The following ARPC2 variants were observed in gnomAD, a reference collection of about 807,000 sequenced individuals.
The protein encoded by ARPC2 is actin related protein 2/3 complex subunit 2, also known as actin-related protein 2/3 complex subunit 2.
ARPC2 carries 4 observed loss-of-function variants against 38.6 expected under a neutral mutation model. That is an observed-to-expected ratio of 0.10 (90% CI 0.05 to 0.24). The LOEUF (loss-of-function observed/expected upper bound fraction) is 0.24. Among genes scored for constraint, ARPC2 ranks in the 10% least tolerant of loss-of-function variants. ARPC2 has a pLI of 1.00. For synonymous variants in ARPC2, 125 were observed against 140.8 expected, an observed-to-expected ratio of 0.89 and a Z score of 0.79; for missense variants, 229 against 387.3, an observed-to-expected ratio of 0.59 and a Z score of 3.43.
intron 2 of ARPC2, among the ~76,000 whole-genome samples, chr2:218,217,776 C>A (rs1195947111): frequency 1.3e-5 from 2 of 152,182 alleles, no homozygotes; most frequent in Non-Finnish European, 2.9e-5. Context: ...GTGGTGAGGG[C>A]TGTGCGTGCC....
At chr2:218,247,922 G>A (rs1043886347) in intron 8 of ARPC2, among the ~76,000 whole-genome samples, 3 of 148,826 alleles carry the variant, frequency 2.0e-5, no homozygotes, top group Non-Finnish European at 4.4e-5. Flanking sequence ...CAGCCTGGGC[G>A]ACAGAACAAG....
intron 2 of ARPC2, 96 bp downstream of exon 2, chr2:218,217,640 A>T: frequency 7.7e-7 from 1 of 1,302,648 alleles, no homozygotes; most frequent in Non-Finnish European, 1.1e-6. Context: ...GGAGGAGAGA[A>T]ATGGGGTGCC....
At chr2:218,231,113 C>G (rs940120821) in intron 4 of ARPC2, among the ~76,000 whole-genome samples, 4 of 152,222 alleles carry the variant, frequency 2.6e-5, no homozygotes, top group African/African-American at 9.6e-5. Context: ...CCCATGATAA[C>G]CACAGGAAGG....
At chr2:218,226,949 T>G (rs1352721701) in intron 3 of ARPC2, 1 of 455,632 alleles carries the variant, frequency 2.2e-6, no homozygotes, top group Admixed American at 2.4e-5. Context: ...TGTTGCTGCT[T>G]TCTGTTCCCT....
chr2:218,252,752 G>A (rs1690223184), intron 10 of ARPC2, among the ~76,000 whole-genome samples: 1 of 152,220 alleles, frequency 6.6e-6, no homozygotes, highest in Non-Finnish European at 1.5e-5. Context: ...TTAGGCAGCT[G>A]CTGCCCGATT....
At chr2:218,223,895 G>A (rs1027001663) in intron 2 of ARPC2, among the ~76,000 whole-genome samples, 3 of 152,064 alleles carry the variant, frequency 2.0e-5, no homozygotes, top group Admixed American at 6.6e-5. Context: ...AATAACAAAC[G>A]CCAGGTCTTG....
At chr2:218,243,239 A>G (rs1689957935) in intron 7 of ARPC2, among the ~76,000 whole-genome samples, 1 of 152,208 alleles carries the variant, frequency 6.6e-6, no homozygotes, top group South Asian at 2.1e-4. Context: ...CTTTTATCAT[A>G]TGCTAAATGC....
intron 2 of ARPC2, among the ~76,000 whole-genome samples, chr2:218,221,431 T>C (rs932425218): frequency 2.6e-5 from 4 of 152,312 alleles, no homozygotes; most frequent in African/African-American, 7.2e-5. Context: ...TTAGAAGAAA[T>C]GGAATGTTGT....
chr2:218,246,205 A>G (rs1349239853), intron 8 of ARPC2, among the ~76,000 whole-genome samples: 1 of 150,776 alleles, frequency 6.6e-6, no homozygotes, highest in African/African-American at 2.4e-5. Flanking sequence ...CAACAGAACA[A>G]GACTCTTGTC....
At chr2:218,229,803 T>G (rs1689588086) in intron 4 of ARPC2, among the ~76,000 whole-genome samples, 2 of 152,180 alleles carry the variant, frequency 1.3e-5, no homozygotes, top group Admixed American at 1.3e-4. Context: ...AGAAGAAATA[T>G]TTAGAGGATT....
At chr2:218,222,235 C>A (rs2106143112) in intron 2 of ARPC2, among the ~76,000 whole-genome samples, 1 of 152,116 alleles carries the variant, frequency 6.6e-6, no homozygotes, top group Non-Finnish European at 1.5e-5. Context: ...CCACTGCACT[C>A]CAGCCTGGGT....
chr2:218,241,399 A>G (rs191269299), intron 7 of ARPC2, among the ~76,000 whole-genome samples: 1 of 152,348 alleles, frequency 6.6e-6, no homozygotes, highest in African/African-American at 2.4e-5. Context: ...ATGAAGGAAT[A>G]TATAAATATA....
Position 218,217,260 on chromosome 2 carries a change from T to TTTGG in ARPC2, c.-9+7_-9+8insTGGT. ...GTTCAGGCTTCGGGGGCCAGGTCGG[T>TTTGG]TGGGTGGGTGGGTGTCTCCACAGTC... On this transcript the variant is annotated splice_region_variant and intron_variant, in intron 1 of 10. Transcript: ENST00000315717. 1 of 473,744 alleles carries TTTGG rather than the reference T, an allele frequency of 2.1e-6. No homozygotes were observed. The highest frequency in any genetic ancestry group is 2.7e-5 in the South Asian group (1 of 36,902). 29.3% of individuals were successfully genotyped at this position (473,744 alleles called of 1,614,324 possible).
chr2:218,238,313 G>A (rs1689821621), intron 5 of ARPC2, among the ~76,000 whole-genome samples: 1 of 152,104 alleles, frequency 6.6e-6, no homozygotes, highest in Non-Finnish European at 1.5e-5. Flanking sequence ...TCCAATCAGA[G>A]TTCCCAGGTT....
At chr2:218,219,827 C>T (rs2106141633) in intron 2 of ARPC2, among the ~76,000 whole-genome samples, 1 of 127,740 alleles carries the variant, frequency 7.8e-6, no homozygotes, top group Admixed American at 8.0e-5. Context: ...AAATTTGAAA[C>T]TTTGAAAATC....
At chr2:218,234,734 C>T in intron 5 of ARPC2, 1 of 461,200 alleles carries the variant, frequency 2.2e-6, no homozygotes, top group Non-Finnish European at 4.2e-6. Context: ...ACATTGATTC[C>T]CACCCTCGGC....
chr2:218,225,992 C>T, intron 3 of ARPC2, 38 bp downstream of exon 3: 1 of 1,607,422 alleles, frequency 6.2e-7, no homozygotes. Flanking sequence ...AGAGAAGGTA[C>T]AATATGAAAA....
intron 5 of ARPC2, chr2:218,234,735 C>T (rs1035071712): frequency 6.5e-6 from 3 of 462,884 alleles, no homozygotes; most frequent in African/African-American, 4.0e-5. Context: ...CATTGATTCC[C>T]ACCCTCGGCC....
At chr2:218,228,331 A>G (rs1689553182) in intron 3 of ARPC2, among the ~76,000 whole-genome samples, 1 of 151,894 alleles carries the variant, frequency 6.6e-6, no homozygotes, top group Non-Finnish European at 1.5e-5. Context: ...TGAACCTGGG[A>G]GGCAGAGGTT....
Sources: allele counts gnomAD v4.1 joint callset (sites outside exome capture counted in the v4.1 genomes callset), GRCh38; gene constraint gnomAD v4.1.1; transcripts MANE v1.5; gene names NCBI Gene and HGNC (gene_info 2026-07-23, HGNC 2026-07-21).